TMEM132B: variants seen among roughly 807,000 people sequenced by gnomAD.
TMEM132B encodes transmembrane protein 132B.
Under a neutral mutation model 90.8 loss-of-function variants are expected in TMEM132B, and 18 were observed. The ratio of observed to expected loss-of-function variants is 0.20; its 90% CI spans 0.14 to 0.29. The LOEUF (loss-of-function observed/expected upper bound fraction) is 0.29, where lower values mean the gene tolerates loss of function less well. Ranked by LOEUF, TMEM132B falls within the 10% of genes least tolerant of loss-of-function variation. The pLI is 1.00. For missense variants in TMEM132B, 1,096 were observed against 1,326.8 expected, an observed-to-expected ratio of 0.83 and a Z score of 2.70; for synonymous variants, 504 against 523.3, an observed-to-expected ratio of 0.96 and a Z score of 0.50.
intron 4 of TMEM132B, among the ~76,000 whole-genome samples, chr12:125,527,112 A>C (rs1319167245): frequency 1.1e-4 from 13 of 123,082 alleles, no homozygotes; most frequent in African/African-American, 3.8e-4. Flanking sequence ...CCATCCACCC[A>C]TCCACACTTC....
Position 125,349,518 on chromosome 12 carries a change from C to A in TMEM132B, c.134C>A (p.Thr45Lys). The A allele has an allele frequency of 1.9e-6, 3 of 1,614,182 alleles. No individual in the cohort carries two copies. Among genetic ancestry groups the A allele is most frequent in the Non-Finnish European group, 2.5e-6 (3 of 1,180,038 alleles). Residue 45 changes from threonine (T) to lysine (K), a missense_variant, in exon 2 of 9, where the codon ACG becomes AAG. Physicochemically the swap from Thr to Lys is moderately conservative, Grantham distance 78. Transcript: ENST00000682704. The surrounding 1 kb of genome is among the most constrained non-coding windows in gnomAD (Gnocchi z 4.1). Reference sequence around the variant, plus strand: ...TCCTCGCTCCCTGCTTACCTCCCCACGAACTTGCACATCTCCAATGCAGAG... The same window carrying A: ...TCCTCGCTCCCTGCTTACCTCCCCAAGAACTTGCACATCTCCAATGCAGAG... ...KFSSLPAYLP[T>K]NLHISNAEES...
At chr12:125,289,642 A>G (rs1875476917) in intron 1 of TMEM132B, among the ~76,000 whole-genome samples, 1 of 152,248 alleles carries the variant, frequency 6.6e-6, no homozygotes, top group Non-Finnish European at 1.5e-5. Flanking sequence ...GCTGCATTAC[A>G]CGTGTTAGCA....
chr12:125,643,156 C>T (rs979589), intron 5 of TMEM132B, among the ~76,000 whole-genome samples: 61,317 of 152,048 alleles, frequency 0.4, 13,522 homozygotes, highest in African/African-American at 0.57. Flanking sequence ...GAATAAGTCC[C>T]AGTTTCTGGC....
At chr12:125,283,447 C>T (rs1450823017) in intron 1 of TMEM132B, among the ~76,000 whole-genome samples, 7 of 152,030 alleles carry the variant, frequency 4.6e-5, no homozygotes, top group East Asian at 1.9e-4. Context: ...GCTGTGTACC[C>T]GACTCTCGCT....
chr12:125,248,346 C>T (rs1368074413), intron 1 of TMEM132B, among the ~76,000 whole-genome samples: 1 of 152,132 alleles, frequency 6.6e-6, no homozygotes, highest in Non-Finnish European at 1.5e-5. Flanking sequence ...ATTTAAATAT[C>T]TTAAAGCTCA....
At chr12:125,591,022 T>C (rs565590207) in intron 5 of TMEM132B, among the ~76,000 whole-genome samples, 6 of 145,342 alleles carry the variant, frequency 4.1e-5, no homozygotes, top group South Asian at 4.2e-4. Context: ...CACGCCCGCG[T>C]GTGTGTGTGT....
At chr12:125,509,976 G>T (rs965952072) in intron 3 of TMEM132B, among the ~76,000 whole-genome samples, 1 of 152,152 alleles carries the variant, frequency 6.6e-6, no homozygotes. Context: ...TGTAACAAGC[G>T]TTTTCCTCCA....
chr12:125,267,565 A>G (rs749696862), intron 1 of TMEM132B, among the ~76,000 whole-genome samples: 4 of 152,180 alleles, frequency 2.6e-5, no homozygotes, highest in Non-Finnish European at 4.4e-5. Context: ...TCTGATAGGC[A>G]CATTGTCACA....
chr12:125,332,469 C>T (rs975163193), intron 1 of TMEM132B, among the ~76,000 whole-genome samples: 6 of 151,912 alleles, frequency 3.9e-5, no homozygotes, highest in Non-Finnish European at 2.9e-5. Flanking sequence ...CTCAATTAAG[C>T]GCAGCTCCCC....
chr12:125,190,943 G>T (rs1872768836), intron 1 of TMEM132B, among the ~76,000 whole-genome samples: 1 of 51,242 alleles, frequency 2.0e-5, no homozygotes, highest in Non-Finnish European at 4.3e-5. Flanking sequence ...GACGGGGAAG[G>T]GGTGGTGATG....
chr12:125,342,856 CTCT>C (rs1257722644), intron 1 of TMEM132B, among the ~76,000 whole-genome samples: 7 of 152,176 alleles, frequency 4.6e-5, no homozygotes, highest in African/African-American at 1.4e-4. Context: ...TCTGTAGTGT[CTCT>C]TCTTCTTTCT....
At chr12:125,364,181 T>C (rs1878053032) in intron 2 of TMEM132B, among the ~76,000 whole-genome samples, 1 of 152,214 alleles carries the variant, frequency 6.6e-6, no homozygotes, top group African/African-American at 2.4e-5. Context: ...GAAGGGTGTC[T>C]AGGGAACTTC....
At chr12:125,522,147 G>A (rs755509074) in intron 4 of TMEM132B, among the ~76,000 whole-genome samples, 11 of 152,146 alleles carry the variant, frequency 7.2e-5, no homozygotes, top group Non-Finnish European at 1.2e-4. Flanking sequence ...AGGTCAACTC[G>A]TGGAGAGGCT....
intron 2 of TMEM132B, among the ~76,000 whole-genome samples, chr12:125,405,053 C>T (rs377194068): frequency 5.9e-5 from 9 of 152,192 alleles, no homozygotes; most frequent in East Asian, 1.9e-4. Flanking sequence ...AGCAGCCTCA[C>T]GAGATGGCCA....
intron 1 of TMEM132B, among the ~76,000 whole-genome samples, chr12:125,310,502 A>G (rs1876096304): frequency 6.6e-6 from 1 of 152,224 alleles, no homozygotes; most frequent in African/African-American, 2.4e-5. Context: ...GGGTTCACAC[A>G]GTTAATCAGC....
At chr12:125,286,256 C>T (rs1017194141) in intron 1 of TMEM132B, among the ~76,000 whole-genome samples, 53 of 152,358 alleles carry the variant, frequency 3.5e-4, no homozygotes, top group Admixed American at 2.7e-3. Context: ...ATTCTGCCTC[C>T]GGAACTCATG....
chr12:125,339,407 C>T (rs1877094032), intron 1 of TMEM132B, among the ~76,000 whole-genome samples: 1 of 151,942 alleles, frequency 6.6e-6, no homozygotes. Flanking sequence ...TATGAGGACG[C>T]CAGTCCAATT....
intron 3 of TMEM132B, among the ~76,000 whole-genome samples, chr12:125,500,852 C>A (rs1882678365): frequency 6.6e-6 from 1 of 152,268 alleles, no homozygotes; most frequent in East Asian, 1.9e-4. Context: ...GGTCTCTGAT[C>A]TCCCTTGTGC....
At chr12:125,478,383 A>G (rs1881945612) in intron 3 of TMEM132B, among the ~76,000 whole-genome samples, 1 of 152,198 alleles carries the variant, frequency 6.6e-6, no homozygotes, top group African/African-American at 2.4e-5. Flanking sequence ...GATTAGACGG[A>G]TGGCTAACTA....
Sources: gnomAD v4.1 joint callset for allele counts (sites outside exome capture counted in the v4.1 genomes callset) on GRCh38, gnomAD v4.1.1 for gene constraint, Gnocchi (gnomAD v3.1) non-coding constraint, MANE v1.5 for transcripts, NCBI Gene and HGNC (gene_info 2026-07-23, HGNC 2026-07-21) for gene names.